The following SWAP70 variants were observed in gnomAD, a reference collection of about 807,000 sequenced individuals.
SWAP70 encodes the protein switching B cell complex subunit SWAP70, also known as switch-associated protein 70.
A neutral mutation model predicts 80.2 loss-of-function variants in SWAP70; 34 were observed. That is an observed-to-expected ratio of 0.42 (90% CI 0.32 to 0.56). The LOEUF is 0.56. Among genes scored for constraint, SWAP70 ranks in the 20% least tolerant of loss-of-function variants. The probability of loss-of-function intolerance (pLI) is 0.09; values close to 1 mark genes in which losing one functional copy is unlikely to be tolerated. For synonymous variants in SWAP70, 239 were observed against 238.5 expected (o/e 1.00, Z -0.02); for missense variants, 578 against 690.7 (o/e 0.84, Z 1.83).
intron 1 of SWAP70, 117 bp from the exon 2 acceptor site, chr11:9,694,029 G>T: frequency 7.7e-7 from 1 of 1,297,308 alleles, no homozygotes; most frequent in Admixed American, 2.7e-5. Context: ...CCCTGTTTTT[G>T]CTAGTTTATT....
chr11:9,714,807 ATTTTTT>A lies in SWAP70; in HGVS notation c.414+1185_414+1190del, dbSNP rs71034737. Among the ~76,000 whole-genome samples, 507 of 127,718 alleles carry A rather than the reference ATTTTTT, an allele frequency of 4.0e-3. 1 individual carries two copies. The highest frequency in any genetic ancestry group is 0.013 in the African/African-American group (404 of 31,574). The allele number at this position is 127,718 out of a possible 152,430, so 83.8% of individuals were successfully genotyped here. ...ACTGGCTGATTCAAGCCAAAAGGGG[ATTTTTT>A]TTTTTTTTTTTTTTTTGAGACAGAG... is the stretch of plus-strand genomic sequence containing the variant. On this transcript the variant is annotated intron_variant, in intron 3 of 11. Transcript: ENST00000318950.
At chr11:9,738,061 T>C (rs93139) in intron 7 of SWAP70, 152 bp from the exon 8 acceptor site, 255,936 of 453,296 alleles carry the variant, frequency 0.56, 73,838 homozygotes, top group Middle Eastern at 0.69. Flanking sequence ...TAGACTGGAA[T>C]TCTAATGGAG....
At chr11:9,742,367 T>C (rs1202966856) in intron 9 of SWAP70, among the ~76,000 whole-genome samples, 1 of 152,042 alleles carries the variant, frequency 6.6e-6, no homozygotes, top group East Asian at 1.9e-4. Flanking sequence ...AGATGGAGTC[T>C]TGCTCTGTTA....
At chr11:9,703,144 C>T (rs777269505) in intron 2 of SWAP70, among the ~76,000 whole-genome samples, 2 of 152,088 alleles carry the variant, frequency 1.3e-5, no homozygotes, top group Non-Finnish European at 2.9e-5. Context: ...ATATATTTGC[C>T]TATTCTGGAC....
At position 9,738,338 on chromosome 11, in the gene SWAP70, G is replaced by A. The variant is rs763977410; in HGVS notation, c.1188+18G>A. On this transcript the variant is annotated intron_variant, in intron 8 of 11. Coordinates refer to ENST00000318950, the MANE Select transcript of SWAP70 (RefSeq NM_015055.4). ...AGAAGCTTGTGAGTATCACATGGCT[G>A]GAGAAAGCAGCTGCAGTAGCTCAGC... 5.8e-6 allele frequency: 9 copies of A among 1,560,504 alleles called. No homozygotes were observed. Among genetic ancestry groups the A allele is most frequent in the Non-Finnish European group, 6.1e-6 (7 of 1,151,974 alleles).
chr11:9,714,197 G>A (rs1851035799), intron 3 of SWAP70, among the ~76,000 whole-genome samples: 1 of 152,148 alleles, frequency 6.6e-6, no homozygotes, highest in South Asian at 2.1e-4. Context: ...AGTGACACAT[G>A]TTAATACATG....
intron 7 of SWAP70, 95 bp from the exon 8 acceptor site, chr11:9,738,118 G>A (rs1345600333): frequency 1.4e-6 from 1 of 715,696 alleles, no homozygotes; most frequent in Non-Finnish European, 2.2e-6. Flanking sequence ...AAGAATGTTT[G>A]GCTTTTCCTG....
At chr11:9,742,118 T>C (rs1851448518) in intron 9 of SWAP70, among the ~76,000 whole-genome samples, 2 of 151,894 alleles carry the variant, frequency 1.3e-5, no homozygotes, top group African/African-American at 4.8e-5. Context: ...CAGCTAATTA[T>C]TTTGCACACT....
Position 9,694,333 on chromosome 11 carries a change from G to A in SWAP70, c.240+47G>A. ...GGGTGTAGCATTGTTTGGTTTGCAT[G>A]TTTCAAGTGGGCCCAAAAGCCCCCT... On this transcript the variant is annotated intron_variant, in intron 2 of 11. Coordinates refer to ENST00000318950, the MANE Select transcript of SWAP70 (RefSeq NM_015055.4). 2.6e-6 allele frequency: 4 copies of A among 1,533,290 alleles called. No homozygotes were observed. The South Asian group carries it at 3.8e-5, about 15-fold the overall frequency. 95.0% of individuals were successfully genotyped at this position (1,533,290 alleles called of 1,614,324 possible). A position where few individuals can be genotyped will look rare whatever the true frequency, so the allele number is the denominator to read the frequency against.
Position 9,713,538 on chromosome 11 carries a change from A to G in SWAP70, c.313A>G (p.Lys105Glu). ...CCTCTGTGTCAAAAAAAACCTCACA[A>G]AGAATCCCCTGCTCATTACAGAAGA... The part of the protein sequence containing the change: ...WTLCVKKNLT[K>E]NPLLITEEDA... Residue 105 changes from lysine to glutamate, a missense_variant, in exon 3 of 12, where the codon AAG (lysine) becomes GAG (glutamate). Transcript: ENST00000318950. 4 of 1,614,098 alleles carry G rather than the reference A, an allele frequency of 2.5e-6. No homozygotes were observed. Among genetic ancestry groups the G allele is most frequent in the Non-Finnish European group, 2.5e-6 (3 of 1,179,978 alleles).
At chr11:9,685,426 A>T (rs1850618775) in intron 1 of SWAP70, among the ~76,000 whole-genome samples, 1 of 152,122 alleles carries the variant, frequency 6.6e-6, no homozygotes, top group South Asian at 2.1e-4. Context: ...TGGATACTGG[A>T]AAGTCCAAGA....
At chr11:9,726,748 T>G (rs981174418) in intron 4 of SWAP70, 2 of 370,500 alleles carry the variant, frequency 5.4e-6, no homozygotes, top group African/African-American at 4.2e-5. Flanking sequence ...CCTGAAGGGC[T>G]TTGGCCTATA....
Position 9,725,545 on chromosome 11 carries a change from ATATATATATATATATATATATATATTTT to A in SWAP70, c.642+662_642+689del, listed in dbSNP as rs1349877349. Reference sequence around the variant, plus strand: ...AAAAATACAAAATATATATATATATATATATATATATATATATATATATATTTTTTTTTTTTTTTTTTTCCAAGACGGA... The same window carrying A: ...AAAAATACAAAATATATATATATATATTTTTTTTTTTTTTTCCAAGACGGA... On this transcript the variant is annotated intron_variant, in intron 4 of 11. Coordinates refer to ENST00000318950, the MANE Select transcript of SWAP70 (RefSeq NM_015055.4). 8.3e-4 allele frequency among the ~76,000 whole-genome samples: 8 copies of A among 9,602 alleles called. No individual in the cohort carries two copies. The South Asian group carries it at 0.014, about 17-fold the overall frequency. 6.3% of individuals were successfully genotyped at this position (9,602 alleles called of 152,430 possible).
At chr11:9,738,174 A>T in intron 7 of SWAP70, 39 bp from the exon 8 acceptor site, 1 of 1,504,308 alleles carries the variant, frequency 6.6e-7, no homozygotes, top group African/African-American at 1.4e-5. Flanking sequence ...CTTCTACTCT[A>T]ACACCTGCTT....
In SWAP70 at chr11:9,715,105, G is replaced by A. The variant is rs573205810; in HGVS notation, c.414+1466G>A. Among the ~76,000 whole-genome samples the A allele has an allele frequency of 2.2e-4, 33 of 151,550 alleles. 1 individual carries two copies. In the South Asian group the frequency reaches 6.0e-3, roughly 28 times the overall value. On this transcript the variant is annotated intron_variant, in intron 3 of 11. Coordinates refer to ENST00000318950, the MANE Select transcript of SWAP70 (RefSeq NM_015055.4). ...TCCTCCTGTCTCAGCCTACTGAGTAGCTGGGACTACAGGTGTACATCACCA... is the reference window on the plus strand; with the variant it reads ...TCCTCCTGTCTCAGCCTACTGAGTAACTGGGACTACAGGTGTACATCACCA...
intron 8 of SWAP70, among the ~76,000 whole-genome samples, chr11:9,738,547 A>G (rs1053085881): frequency 6.6e-6 from 1 of 152,178 alleles, no homozygotes; most frequent in African/African-American, 2.4e-5. Flanking sequence ...CAAAAGACAT[A>G]AACCTTGTTT....
chr11:9,690,492 G>T (rs1049854136), intron 1 of SWAP70, among the ~76,000 whole-genome samples: 2 of 151,984 alleles, frequency 1.3e-5, no homozygotes, highest in African/African-American at 4.8e-5. Flanking sequence ...TGGAAAGATT[G>T]CTTGAACTTA....
intron 1 of SWAP70, among the ~76,000 whole-genome samples, chr11:9,670,265 C>A (rs760448702): frequency 6.6e-6 from 1 of 151,908 alleles, no homozygotes; most frequent in Non-Finnish European, 1.5e-5. Flanking sequence ...GGGAGGAGGA[C>A]GGGAAAGGAC....
intron 2 of SWAP70, among the ~76,000 whole-genome samples, chr11:9,709,695 C>T (rs768977928): frequency 2.6e-5 from 4 of 152,030 alleles, no homozygotes; most frequent in Non-Finnish European, 1.5e-5. Context: ...CACCATGTTG[C>T]TCAGGCTGAT....
Sources: gnomAD v4.1 joint callset for allele counts (sites outside exome capture counted in the v4.1 genomes callset) on GRCh38, gnomAD v4.1.1 for gene constraint, MANE v1.5 for transcripts, NCBI Gene and HGNC (gene_info 2026-07-23, HGNC 2026-07-21) for gene names.